LRIG1: variants seen among roughly 807,000 people sequenced by gnomAD.
LRIG1 encodes leucine-rich repeats and immunoglobulin-like domains protein 1.
LRIG1 carries 48 observed loss-of-function variants against 99.2 expected under a neutral mutation model. The observed-to-expected ratio is 0.48, with a 90% CI of 0.38 to 0.62. LRIG1 has a LOEUF of 0.62. Among genes scored for constraint, LRIG1 ranks in the 20% least tolerant of loss-of-function variants. The pLI is 0.00. For synonymous variants in LRIG1, 772 were observed against 596.1 expected, an observed-to-expected ratio of 1.29 and a Z score of -4.30; for missense variants, 1,646 against 1,434.4, an observed-to-expected ratio of 1.15 and a Z score of -2.38.
At chr3:66,398,656 G>A (rs1230796994) in intron 10 of LRIG1, among the ~76,000 whole-genome samples, 1 of 152,242 alleles carries the variant, frequency 6.6e-6, no homozygotes, top group African/African-American at 2.4e-5. Context: ...GTTGGTGGAA[G>A]AGGCAATGAG....
intron 16 of LRIG1, among the ~76,000 whole-genome samples, chr3:66,381,946 G>C (rs888420275): frequency 2.0e-5 from 3 of 150,550 alleles, no homozygotes; most frequent in Non-Finnish European, 4.4e-5. Flanking sequence ...AGCAGACCTG[G>C]GCACGTTCCC....
chr3:66,421,747 C>A (rs1388635329), intron 3 of LRIG1, among the ~76,000 whole-genome samples: 1 of 152,208 alleles, frequency 6.6e-6, no homozygotes, highest in East Asian at 1.9e-4. Context: ...GGATCCCACA[C>A]TGCCCTAGCA....
intron 11 of LRIG1, among the ~76,000 whole-genome samples, chr3:66,394,899 T>G (rs1027136975): frequency 4.6e-5 from 7 of 152,222 alleles, no homozygotes; most frequent in Admixed American, 3.9e-4. Context: ...TGCTTGTTAG[T>G]TAATTGCCAC....
intron 12 of LRIG1, 103 bp downstream of exon 12, chr3:66,393,937 C>T (rs1701726103): frequency 8.1e-7 from 1 of 1,235,006 alleles, no homozygotes; most frequent in African/African-American, 1.5e-5. Flanking sequence ...TAACCACGGG[C>T]TGGGGTTTAC....
At chr3:66,433,811 C>A (rs575821201) in intron 3 of LRIG1, among the ~76,000 whole-genome samples, 1 of 152,352 alleles carries the variant, frequency 6.6e-6, no homozygotes, top group Admixed American at 6.5e-5. Context: ...GTCTGCAGCA[C>A]CCCTTCTCTG....
intron 3 of LRIG1, among the ~76,000 whole-genome samples, chr3:66,447,006 C>T (rs1055875442): frequency 3.9e-5 from 6 of 152,052 alleles, no homozygotes; most frequent in Non-Finnish European, 7.4e-5. Flanking sequence ...GTGATGGTTG[C>T]ACAACACTGA....
chr3:66,389,815 G>T (rs771760972), intron 12 of LRIG1, among the ~76,000 whole-genome samples: 22 of 152,092 alleles, frequency 1.4e-4, no homozygotes, highest in Non-Finnish European at 7.4e-5. Flanking sequence ...ACTTCAAAAA[G>T]TTCATGGAAA....
At chr3:66,408,177 C>G (rs904187927) in intron 7 of LRIG1, among the ~76,000 whole-genome samples, 11 of 152,338 alleles carry the variant, frequency 7.2e-5, no homozygotes, top group African/African-American at 2.6e-4. Context: ...TATTGGTCAT[C>G]TATCGTTGAA....
chr3:66,417,088 C>T (rs1015731575), intron 4 of LRIG1, 41 bp downstream of exon 4: 1 of 1,603,368 alleles, frequency 6.2e-7, no homozygotes, highest in Non-Finnish European at 8.5e-7. Context: ...GCTGGCTGGA[C>T]ACAGCGGGCC....
Position 66,384,276 on chromosome 3 carries a change from G to A in LRIG1, c.1790-4C>T. 1.9e-6 allele frequency: 3 copies of A among 1,609,860 alleles called. No individual in the cohort carries two copies. The highest frequency in any genetic ancestry group is 2.5e-6 in the Non-Finnish European group (3 of 1,176,596). On this transcript the variant is annotated splice_region_variant and splice_polypyrimidine_tract_variant and intron_variant, in intron 13 of 18. Coordinates refer to ENST00000273261, the MANE Select transcript of LRIG1 (RefSeq NM_015541.3). ...GTTTTGGTGAATGATGGCAACACTG[G>A]AAAACATACGTATACAGGGTCGGGT...
At chr3:66,382,450 C>T (rs764170080) in intron 15 of LRIG1, 52 bp from the exon 16 acceptor site, 2 of 1,607,296 alleles carry the variant, frequency 1.2e-6, no homozygotes, top group Admixed American at 3.3e-5. Flanking sequence ...ACAAGAAATG[C>T]AGACACACGT....
At chr3:66,488,418 T>C (rs1701021924) in intron 1 of LRIG1, among the ~76,000 whole-genome samples, 1 of 146,700 alleles carries the variant, frequency 6.8e-6, no homozygotes, top group African/African-American at 2.5e-5. Flanking sequence ...AGGTCAGTCA[T>C]GAGTTCAAAA....
intron 6 of LRIG1, among the ~76,000 whole-genome samples, chr3:66,411,708 C>T (rs566729367): frequency 6.7e-4 from 102 of 152,192 alleles, no homozygotes; most frequent in South Asian, 1.9e-3. Flanking sequence ...AAAGGACATT[C>T]GAGTCATGAT....
chr3:66,436,841 G>A (rs950040283), intron 3 of LRIG1, among the ~76,000 whole-genome samples: 3 of 152,116 alleles, frequency 2.0e-5, no homozygotes, highest in African/African-American at 7.2e-5. Flanking sequence ...ACCTCTGAAA[G>A]AAAATGAAAA....
At chr3:66,388,980 T>C (rs1299372795) in intron 12 of LRIG1, among the ~76,000 whole-genome samples, 1 of 152,196 alleles carries the variant, frequency 6.6e-6, no homozygotes, top group East Asian at 1.9e-4. Context: ...ATACGTGTAT[T>C]TTTGTAACTC....
chr3:66,416,448 G>A (rs537846224), intron 4 of LRIG1, among the ~76,000 whole-genome samples: 4 of 152,266 alleles, frequency 2.6e-5, no homozygotes, highest in Admixed American at 6.5e-5. Context: ...CCTGGAATTG[G>A]AAAACGTCTC....
chr3:66,433,339 C>G (rs1266486016), intron 3 of LRIG1, among the ~76,000 whole-genome samples: 2 of 152,222 alleles, frequency 1.3e-5, no homozygotes, highest in African/African-American at 4.8e-5. Context: ...AGACAGCCTG[C>G]GGCTATGAAG....
At chr3:66,396,501 C>T (rs546772917) in intron 11 of LRIG1, among the ~76,000 whole-genome samples, 28 of 152,326 alleles carry the variant, frequency 1.8e-4, no homozygotes, top group Admixed American at 2.6e-4. Context: ...AAAAAGACGA[C>T]CAAGTGGAAT....
At chr3:66,414,675 A>G (rs565511318) in intron 5 of LRIG1, among the ~76,000 whole-genome samples, 1 of 152,334 alleles carries the variant, frequency 6.6e-6, no homozygotes, top group African/African-American at 2.4e-5. Flanking sequence ...TCCTGATTCC[A>G]TTTTGGAAAA....
Sources: allele counts gnomAD v4.1 joint callset (sites outside exome capture counted in the v4.1 genomes callset), GRCh38; gene constraint gnomAD v4.1.1; transcripts MANE v1.5; gene names NCBI Gene and HGNC (gene_info 2026-07-23, HGNC 2026-07-21).